ANKMY2: variants seen among roughly 807,000 people sequenced by gnomAD.
ANKMY2 encodes ankyrin repeat and MYND domain-containing protein 2.
In ANKMY2, 36 loss-of-function variants were observed where a neutral mutation model predicts 50.4. That is an observed-to-expected ratio of 0.71 (90% CI 0.55 to 0.94). The LOEUF is 0.94. Among genes scored for constraint, ANKMY2 ranks in the 40% least tolerant of loss-of-function variants. The pLI is 0.00. For synonymous variants in ANKMY2, 187 were observed against 178.8 expected, an observed-to-expected ratio of 1.05 and a Z score of -0.36; for missense variants, 565 against 524.0, an observed-to-expected ratio of 1.08 and a Z score of -0.76.
At chr7:16,628,907 TTAA>T (rs1781541277) in intron 2 of ANKMY2, among the ~76,000 whole-genome samples, 1 of 130,514 alleles carries the variant, frequency 7.7e-6, no homozygotes, top group Admixed American at 7.8e-5. Flanking sequence ...GGCCTCTAGT[TTAA>T]ACAAAACAAA....
intron 9 of ANKMY2, among the ~76,000 whole-genome samples, chr7:16,601,653 G>C (rs184278793): frequency 6.1e-4 from 93 of 152,332 alleles, no homozygotes; most frequent in African/African-American, 2.1e-3. Context: ...GGTTCCTTGA[G>C]AGATGGAGGC....
intron 2 of ANKMY2, among the ~76,000 whole-genome samples, chr7:16,635,602 T>G (rs940480735): frequency 6.6e-6 from 1 of 152,198 alleles, no homozygotes; most frequent in Admixed American, 6.5e-5. Flanking sequence ...TTGAAGTGTT[T>G]AATGGTCACA....
Position 16,645,698 on chromosome 7 carries a change from C to T in ANKMY2, c.-125G>A. On this transcript the variant is annotated 5_prime_UTR_variant, in exon 1 of 10. Transcript: ENST00000306999. ...GACCAAGACACTGAGTAGCCAACCGCGGAAACGCTTCGCTTCTCTCCTCCC... is the reference window on the plus strand; with the variant it reads ...GACCAAGACACTGAGTAGCCAACCGTGGAAACGCTTCGCTTCTCTCCTCCC... 9.4e-7 allele frequency: 1 copy of T among 1,058,752 alleles called. No homozygotes were observed. The highest frequency in any genetic ancestry group is 1.3e-6 in the Non-Finnish European group (1 of 757,144). The allele number at this position is 1,058,752 out of a possible 1,614,324, so 65.6% of individuals were successfully genotyped here.
chr7:16,613,735 C>G (rs1369189564), intron 5 of ANKMY2, among the ~76,000 whole-genome samples: 1 of 151,556 alleles, frequency 6.6e-6, no homozygotes, highest in East Asian at 1.9e-4. Context: ...AAAAATTATT[C>G]CATAAGCCTG....
At chr7:16,643,472 G>C (rs1007606971) in intron 1 of ANKMY2, among the ~76,000 whole-genome samples, 3 of 152,128 alleles carry the variant, frequency 2.0e-5, no homozygotes, top group Non-Finnish European at 2.9e-5. Context: ...TCACATACTA[G>C]GTCCACATCA....
chr7:16,613,229 G>A (rs1781285508), intron 5 of ANKMY2, among the ~76,000 whole-genome samples: 1 of 152,154 alleles, frequency 6.6e-6, no homozygotes, highest in African/African-American at 2.4e-5. Flanking sequence ...ACTTAATCTA[G>A]ACACAAATAC....
At chr7:16,644,527 C>A (rs1781790693) in intron 1 of ANKMY2, 1 of 337,912 alleles carries the variant, frequency 3.0e-6, no homozygotes, top group Non-Finnish European at 5.9e-6. Flanking sequence ...AACTGGGAAG[C>A]CTTATGCTGC....
chr7:16,625,476 C>A (rs1165531981), intron 3 of ANKMY2, among the ~76,000 whole-genome samples: 1 of 152,198 alleles, frequency 6.6e-6, no homozygotes, highest in African/African-American at 2.4e-5. Context: ...CTCACACTTA[C>A]AGGCTCTGGA....
Position 16,602,283 on chromosome 7 carries a change from A to G in ANKMY2, c.1141+97T>C. 4.1e-6 allele frequency: 6 copies of G among 1,448,950 alleles called. No individual in the cohort carries two copies. The South Asian group carries it at 6.9e-5, about 17-fold the overall frequency. The allele number at this position is 1,448,950 out of a possible 1,614,324, so 89.8% of individuals were successfully genotyped here. A position where few individuals can be genotyped will look rare whatever the true frequency, so the allele number is the denominator to read the frequency against. ...TTACATCGGTCACTCCTGAGCTCCT[A>G]TGGCTTCCAGAGAAGACGCAGTTTC... is the stretch of plus-strand genomic sequence containing the variant. On this transcript the variant is annotated intron_variant, in intron 9 of 9. Coordinates refer to ENST00000306999, the MANE Select transcript of ANKMY2 (RefSeq NM_020319.3).
chr7:16,636,441 C>T lies in ANKMY2; in HGVS notation c.82G>A (p.Ala28Thr), dbSNP rs2128346353. The change falls in exon 2 of 10, where the codon GCT becomes ACT. Residue 28 changes from alanine (A) to threonine (T), a missense_variant. Ala to Thr is a moderately conservative substitution (Grantham distance 58). Coordinates refer to ENST00000306999, the MANE Select transcript of ANKMY2 (RefSeq NM_020319.3). ...TTCTTGCTGGATAATAATGTTCCAG[C>T]TTCTTGGACAGTACCTAAAAAAAAA... ...EVIGKGTVQE[A>T]GTLLSSKNVR... 6.3e-7 allele frequency: 1 copy of T among 1,586,940 alleles called. No individual in the cohort carries two copies. The highest frequency in any genetic ancestry group is 1.1e-5 in the South Asian group (1 of 87,346).
intron 5 of ANKMY2, among the ~76,000 whole-genome samples, chr7:16,615,031 G>A (rs1781318926): frequency 6.6e-6 from 1 of 152,164 alleles, no homozygotes; most frequent in African/African-American, 2.4e-5. Context: ...GACAATAGCA[G>A]TGAAATATTT....
chr7:16,618,643 C>T (rs1388322167), intron 4 of ANKMY2, among the ~76,000 whole-genome samples: 2 of 152,068 alleles, frequency 1.3e-5, no homozygotes, highest in East Asian at 1.9e-4. Flanking sequence ...AAAAGTCAAA[C>T]AGTAGCAGTC....
At chr7:16,608,857 T>TG (rs1179526694) in intron 7 of ANKMY2, among the ~76,000 whole-genome samples, 4 of 151,912 alleles carry the variant, frequency 2.6e-5, no homozygotes, top group African/African-American at 9.7e-5. Context: ...AAAAATTAGC[T>TG]GGGCGTGGTG....
chr7:16,623,747 C>A (rs768206916), intron 4 of ANKMY2, among the ~76,000 whole-genome samples: 2 of 152,134 alleles, frequency 1.3e-5, no homozygotes, highest in Admixed American at 6.6e-5. Context: ...CAACTTGGGG[C>A]CTGTACACAC....
At chr7:16,637,323 T>C (rs1398074497) in intron 1 of ANKMY2, among the ~76,000 whole-genome samples, 1 of 152,236 alleles carries the variant, frequency 6.6e-6, no homozygotes, top group Non-Finnish European at 1.5e-5. Context: ...AGACTTGTAG[T>C]GCAAGACTGT....
chr7:16,631,930 T>TA (rs1200147956), intron 2 of ANKMY2, among the ~76,000 whole-genome samples: 1 of 152,136 alleles, frequency 6.6e-6, no homozygotes, highest in Non-Finnish European at 1.5e-5. Context: ...TTTCTACTTC[T>TA]ATATGAGATG....
At chr7:16,632,111 C>T (rs527628984) in intron 2 of ANKMY2, among the ~76,000 whole-genome samples, 2 of 141,174 alleles carry the variant, frequency 1.4e-5, no homozygotes, top group Admixed American at 1.4e-4. Context: ...CTTCCTCTCT[C>T]CCTCCCTTTC....
chr7:16,602,093 C>T (rs1444381884), intron 9 of ANKMY2, among the ~76,000 whole-genome samples: 4 of 152,250 alleles, frequency 2.6e-5, no homozygotes, highest in South Asian at 2.1e-4. Context: ...TAAGTTAATA[C>T]CCATTAAGGG....
intron 1 of ANKMY2, among the ~76,000 whole-genome samples, chr7:16,643,755 A>G (rs1469993947): frequency 6.6e-6 from 1 of 151,666 alleles, no homozygotes; most frequent in Non-Finnish European, 1.5e-5. Flanking sequence ...CCAGTGGCTC[A>G]TGCCTGTAAT....
Sources: gnomAD v4.1 joint callset for allele counts (sites outside exome capture counted in the v4.1 genomes callset) on GRCh38, gnomAD v4.1.1 for gene constraint, MANE v1.5 for transcripts, NCBI Gene and HGNC (gene_info 2026-07-23, HGNC 2026-07-21) for gene names.